Variants in KLHL1 observed in about 807,000 individuals in gnomAD.
KLHL1 encodes the protein kelch like family member 1, also known as kelch-like protein 1.
Under a neutral mutation model 77.7 loss-of-function variants are expected in KLHL1, and 47 were observed. The observed-to-expected ratio is 0.60, with a 90% CI of 0.48 to 0.77. KLHL1 has a LOEUF of 0.77. KLHL1 is among the 30% of genes least tolerant of loss of function. The pLI is 0.00. For missense variants in KLHL1, 925 were observed against 910.8 expected, an observed-to-expected ratio of 1.02 and a Z score of -0.20; for synonymous variants, 360 against 325.2, an observed-to-expected ratio of 1.11 and a Z score of -1.15.
At chr13:69,921,318 C>T (rs901824188) in intron 4 of KLHL1, among the ~76,000 whole-genome samples, 1 of 152,170 alleles carries the variant, frequency 6.6e-6, no homozygotes, top group Non-Finnish European at 1.5e-5. Flanking sequence ...AATCCCTGTC[C>T]TCCATTGTGA....
chr13:69,757,598 T>C (rs980158814), intron 7 of KLHL1, among the ~76,000 whole-genome samples: 2 of 152,136 alleles, frequency 1.3e-5, no homozygotes, highest in African/African-American at 4.8e-5. Context: ...ATTTTAGAAT[T>C]TGAAATTTGA....
At chr13:70,071,718 T>A (rs1020545115) in intron 1 of KLHL1, among the ~76,000 whole-genome samples, 1 of 151,974 alleles carries the variant, frequency 6.6e-6, no homozygotes, top group African/African-American at 2.4e-5. Context: ...TATTGGAGAC[T>A]CCTAACTAAC....
chr13:69,758,285 T>G (rs1874860627), intron 7 of KLHL1, among the ~76,000 whole-genome samples: 1 of 152,132 alleles, frequency 6.6e-6, no homozygotes, highest in Non-Finnish European at 1.5e-5. Context: ...AAAAGCTAAT[T>G]TTAATAATCC....
At chr13:69,875,398 G>GT (rs1880727325) in intron 5 of KLHL1, among the ~76,000 whole-genome samples, 1 of 152,076 alleles carries the variant, frequency 6.6e-6, no homozygotes, top group Non-Finnish European at 1.5e-5. Context: ...AATTGATAAT[G>GT]TAAGAAGTGC....
chr13:70,036,835 CTTTTTTT>C (rs5804467), intron 1 of KLHL1, among the ~76,000 whole-genome samples: 1 of 50,684 alleles, frequency 2.0e-5, no homozygotes, highest in East Asian at 7.0e-4. Context: ...ATGCCATGGT[CTTTTTTT>C]TTTTTTTTTT....
intron 6 of KLHL1, among the ~76,000 whole-genome samples, chr13:69,809,347 A>G (rs559535074): frequency 1.3e-5 from 2 of 152,302 alleles, no homozygotes; most frequent in South Asian, 4.1e-4. Context: ...CTGGCAGACT[A>G]ACAACATATT....
rs1324246935 is a variant in KLHL1, at chr13:70,084,461, C to CTTTTTTTTTTTTTT, written c.497+22741_497+22742insAAAAAAAAAAAAAA. On this transcript the variant is annotated intron_variant, in intron 1 of 10. Coordinates refer to ENST00000377844, the MANE Select transcript of KLHL1 (RefSeq NM_020866.3). The stretch of plus-strand genomic sequence containing the variant: ...GATATTTTCTAGTCTATTTCTTCTT[C>CTTTTTTTTTTTTTT]TTCTTTTTTTTTTTTTGAGACGGAG... 1.9e-3 allele frequency among the ~76,000 whole-genome samples: 218 copies of CTTTTTTTTTTTTTT among 115,066 alleles called. 24 individuals are homozygous for CTTTTTTTTTTTTTT. The highest frequency in any genetic ancestry group is 2.6e-3 in the East Asian group (11 of 4,160). 75.5% of individuals were successfully genotyped at this position (115,066 alleles called of 152,430 possible).
intron 1 of KLHL1, among the ~76,000 whole-genome samples, chr13:70,090,331 G>A (rs1391941675): frequency 2.6e-5 from 4 of 152,036 alleles, no homozygotes; most frequent in Non-Finnish European, 4.4e-5. Flanking sequence ...AGGCTTCATA[G>A]AAGTACTGAG....
rs1177893574 is a variant in KLHL1, at chr13:69,940,148, G to A, written c.906C>T (p.Cys302=). 4 of 1,612,346 alleles carry A rather than the reference G, an allele frequency of 2.5e-6. No individual in the cohort carries two copies. Among genetic ancestry groups the A allele is most frequent in the Non-Finnish European group, 3.4e-6 (4 of 1,179,230 alleles). The change falls in exon 4 of 11, where the codon TGC becomes TGT. Residue 302 remains cysteine (C), a synonymous_variant. Coordinates refer to ENST00000377844, the MANE Select transcript of KLHL1 (RefSeq NM_020866.3). ...GATGCAAAAGCTTCATGAGGAAGTG[G>A]CAGCACACTTCCACCACCTGTGGAA... ...LQLPQVVEVC[C]HFLMKLLHPS...
intron 6 of KLHL1, among the ~76,000 whole-genome samples, chr13:69,816,151 T>C (rs1878112789): frequency 6.6e-6 from 1 of 152,050 alleles, no homozygotes. Flanking sequence ...TATATAATTT[T>C]GATGTTCACA....
chr13:70,042,196 G>A (rs1456448087), intron 1 of KLHL1, among the ~76,000 whole-genome samples: 1 of 151,950 alleles, frequency 6.6e-6, no homozygotes, highest in African/African-American at 2.4e-5. Flanking sequence ...GTCATTGCTC[G>A]GGACTCTCAA....
chr13:69,909,543 T>C (rs1045408941), intron 4 of KLHL1, among the ~76,000 whole-genome samples: 1 of 151,942 alleles, frequency 6.6e-6, no homozygotes, highest in Non-Finnish European at 1.5e-5. Context: ...TAATTTTTTT[T>C]TAAAAAAATC....
At chr13:70,033,514 A>G (rs1208866085) in intron 1 of KLHL1, among the ~76,000 whole-genome samples, 5 of 145,708 alleles carry the variant, frequency 3.4e-5, no homozygotes, top group East Asian at 2.1e-4. Flanking sequence ...TCACTGTGTT[A>G]GCCAGGATGG....
intron 5 of KLHL1, among the ~76,000 whole-genome samples, chr13:69,853,545 C>T (rs150094659): frequency 2.0e-5 from 3 of 152,096 alleles, no homozygotes; most frequent in African/African-American, 7.2e-5. Context: ...CTGTTCTTTA[C>T]ACATGGCCCT....
At chr13:69,951,475 G>A (rs539367198) in intron 3 of KLHL1, among the ~76,000 whole-genome samples, 3 of 151,568 alleles carry the variant, frequency 2.0e-5, no homozygotes, top group South Asian at 2.1e-4. Flanking sequence ...GAGCTCTTCC[G>A]TCTTGAGATG....
In KLHL1 at chr13:69,924,549, T is replaced by C. The variant is rs2138269988; in HGVS notation, c.1014+15491A>G. Among the ~76,000 whole-genome samples, 2 of 152,120 alleles carry C rather than the reference T, an allele frequency of 1.3e-5. 1 individual carries two copies. Among genetic ancestry groups the C allele is most frequent in the East Asian group, 3.9e-4 (2 of 5,154 alleles). On this transcript the variant is annotated intron_variant, in intron 4 of 10. Transcript: ENST00000377844. The stretch of plus-strand genomic sequence containing the variant: ...CCCACAGAAAGTCTCTTCTGAGCTG[T>C]TCTATCACTTAATAAAACTCCTGTT...
intron 1 of KLHL1, among the ~76,000 whole-genome samples, chr13:70,105,824 T>C (rs1176803966): frequency 6.6e-6 from 1 of 151,050 alleles, no homozygotes; most frequent in Non-Finnish European, 1.5e-5. Context: ...CTTAATGGAA[T>C]GATAGATAAA....
At chr13:69,939,432 G>C (rs577642609) in intron 4 of KLHL1, among the ~76,000 whole-genome samples, 2 of 136,834 alleles carry the variant, frequency 1.5e-5, no homozygotes, top group Non-Finnish European at 3.1e-5. Context: ...TATAAAATAG[G>C]CTTCAATTTT....
chr13:69,957,588 A>G (rs1203645051), intron 3 of KLHL1, among the ~76,000 whole-genome samples: 1 of 151,812 alleles, frequency 6.6e-6, no homozygotes, highest in East Asian at 1.9e-4. Flanking sequence ...GACCCTCTTC[A>G]TGCCATAAGT....
Sources: allele counts gnomAD v4.1 joint callset (sites outside exome capture counted in the v4.1 genomes callset), GRCh38; gene constraint gnomAD v4.1.1; transcripts MANE v1.5; gene names NCBI Gene and HGNC (gene_info 2026-07-23, HGNC 2026-07-21).